The following CPXM2 variants were observed in gnomAD, a reference collection of about 807,000 sequenced individuals.
The protein encoded by CPXM2 is inactive carboxypeptidase-like protein X2.
In CPXM2, 66 loss-of-function variants were observed where a neutral mutation model predicts 86.1. The ratio of observed to expected loss-of-function variants is 0.77; its 90% confidence interval spans 0.63 to 0.94. The LOEUF (loss-of-function observed/expected upper bound fraction) is 0.94, where lower values mean the gene tolerates loss of function less well. Ranked by LOEUF, CPXM2 falls within the 40% of genes least tolerant of loss-of-function variation. CPXM2 has a pLI of 0.00. For missense variants in CPXM2, 948 were observed against 1,026.3 expected (o/e 0.92, Z 1.04); for synonymous variants, 388 against 400.2 (o/e 0.97, Z 0.36).
Position 123,747,011 on chromosome 10 carries a change from T to TC in CPXM2, c.2023dup (p.Asp675GlyfsTer34). On this transcript the variant is annotated frameshift_variant, in exon 14 of 14. Transcript: ENST00000241305. LOFTEE classifies it high-confidence loss of function. ...GTTCAGGAGGCGCCAGTAATCCCCA[T>TC]CGTTGGCTGTGAAAAAGAAAACCAG... 1 of 1,613,432 alleles carries TC rather than the reference T, an allele frequency of 6.2e-7. No individual in the cohort carries two copies. Among genetic ancestry groups the TC allele is most frequent in the Non-Finnish European group, 8.5e-7 (1 of 1,179,700 alleles).
At chr10:123,848,987 G>A (rs1848549020) in intron 3 of CPXM2, among the ~76,000 whole-genome samples, 1 of 152,166 alleles carries the variant, frequency 6.6e-6, no homozygotes, top group Admixed American at 6.5e-5. Flanking sequence ...TTCCCTTTAT[G>A]TTTAGTATGT....
intron 2 of CPXM2, among the ~76,000 whole-genome samples, chr10:123,917,002 C>T (rs949045889): frequency 1.3e-5 from 2 of 151,484 alleles, no homozygotes; most frequent in African/African-American, 4.9e-5. Context: ...GTGAGAATGA[C>T]AGATAGGGAG....
At chr10:123,911,851 C>T (rs1270233951) in intron 2 of CPXM2, among the ~76,000 whole-genome samples, 1 of 152,034 alleles carries the variant, frequency 6.6e-6, no homozygotes, top group Admixed American at 6.5e-5. Context: ...TACATGTTAC[C>T]AGTGGTGAAT....
intron 6 of CPXM2, among the ~76,000 whole-genome samples, chr10:123,780,692 G>T (rs529526814): frequency 1.2e-4 from 19 of 152,224 alleles, no homozygotes; most frequent in East Asian, 9.6e-4. Flanking sequence ...GGAGACTTCT[G>T]GAAGGATGTG....
chr10:123,928,822 T>A (rs1945644271), intron 2 of CPXM2, among the ~76,000 whole-genome samples: 1 of 152,260 alleles, frequency 6.6e-6, no homozygotes, highest in Admixed American at 6.5e-5. Context: ...GAGATAGGAA[T>A]AAGCCATTCC....
At chr10:123,805,395 G>A (rs182292279) in intron 4 of CPXM2, among the ~76,000 whole-genome samples, 175 of 151,942 alleles carry the variant, frequency 1.2e-3, no homozygotes, top group African/African-American at 3.9e-3. Flanking sequence ...ATTTCGATAG[G>A]TCATATATTC....
chr10:123,785,850 T>G (rs144162819), intron 6 of CPXM2, among the ~76,000 whole-genome samples: 162 of 152,126 alleles, frequency 1.1e-3, no homozygotes, highest in African/African-American at 3.6e-3. Context: ...AGCCAGGATG[T>G]TCTCGATCTC....
intron 3 of CPXM2, among the ~76,000 whole-genome samples, chr10:123,855,608 G>A (rs540317168): frequency 2.4e-4 from 37 of 152,342 alleles, no homozygotes; most frequent in Non-Finnish European, 1.8e-4. Flanking sequence ...ACACGTACAG[G>A]ACGTGCCCTG....
At chr10:123,875,445 T>G (rs1318436389) in intron 2 of CPXM2, among the ~76,000 whole-genome samples, 1 of 152,176 alleles carries the variant, frequency 6.6e-6, no homozygotes, top group East Asian at 1.9e-4. Context: ...TCATGTCTAC[T>G]GTGTCGGTAA....
At chr10:123,850,994 A>G (rs528161441) in intron 3 of CPXM2, among the ~76,000 whole-genome samples, 31 of 152,292 alleles carry the variant, frequency 2.0e-4, no homozygotes, top group African/African-American at 6.7e-4. Flanking sequence ...ATTGCCCTAC[A>G]TCTTTGTCCA....
At chr10:123,855,810 A>AT in intron 3 of CPXM2, among the ~76,000 whole-genome samples, 1 of 152,250 alleles carries the variant, frequency 6.6e-6, no homozygotes, top group Non-Finnish European at 1.5e-5. Context: ...GCTCCATATA[A>AT]TTTTTTTAAG....
chr10:123,829,295 C>A (rs1204170534), intron 4 of CPXM2, among the ~76,000 whole-genome samples: 1 of 151,988 alleles, frequency 6.6e-6, no homozygotes, highest in Non-Finnish European at 1.5e-5. Flanking sequence ...AACAGTCACT[C>A]AAGGAAACAG....
intron 6 of CPXM2, among the ~76,000 whole-genome samples, chr10:123,793,943 G>A (rs1280767560): frequency 6.6e-6 from 1 of 152,244 alleles, no homozygotes; most frequent in African/African-American, 2.4e-5. Context: ...TCTCCATGAT[G>A]GGTGGGGTGG....
chr10:123,877,672 G>A (rs1945008951), intron 2 of CPXM2, among the ~76,000 whole-genome samples: 1 of 152,172 alleles, frequency 6.6e-6, no homozygotes, highest in African/African-American at 2.4e-5. Context: ...TTTGGCAAAG[G>A]GAACTAAAGA....
chr10:123,751,139 G>T, intron 13 of CPXM2: 2 of 842,806 alleles, frequency 2.4e-6, no homozygotes, highest in Non-Finnish European at 2.9e-6. Flanking sequence ...CAGGTATTTT[G>T]CCTGAGCGTG....
intron 4 of CPXM2, among the ~76,000 whole-genome samples, chr10:123,833,442 C>T (rs1848210042): frequency 6.6e-6 from 1 of 152,214 alleles, no homozygotes; most frequent in Non-Finnish European, 1.5e-5. Flanking sequence ...TTCCTGGGTG[C>T]CCTCTGGAGG....
chr10:123,906,762 A>G (rs1232253886), intron 2 of CPXM2, among the ~76,000 whole-genome samples: 1 of 152,194 alleles, frequency 6.6e-6, no homozygotes, highest in Non-Finnish European at 1.5e-5. Flanking sequence ...TGGCCTCAGG[A>G]TTCAAGCCAT....
At chr10:123,866,329 C>T (rs1242850878) in intron 2 of CPXM2, among the ~76,000 whole-genome samples, 1 of 152,106 alleles carries the variant, frequency 6.6e-6, no homozygotes, top group Admixed American at 6.5e-5. Context: ...TTTGGGAGGC[C>T]GAGGCAGGTG....
At chr10:123,880,687 G>C (rs916546289) in intron 1 of CPXM2, among the ~76,000 whole-genome samples, 1 of 151,916 alleles carries the variant, frequency 6.6e-6, no homozygotes, top group African/African-American at 2.4e-5. Flanking sequence ...AAATTAGCCA[G>C]GCATGGTGGC....
Sources: gnomAD v4.1 joint callset for allele counts (sites outside exome capture counted in the v4.1 genomes callset) on GRCh38, gnomAD v4.1.1 for gene constraint, MANE v1.5 for transcripts, NCBI Gene and HGNC (gene_info 2026-07-23, HGNC 2026-07-21) for gene names.